The following SLC6A6 variants were observed in gnomAD, a reference collection of about 807,000 sequenced individuals.
SLC6A6 encodes the protein sodium- and chloride-dependent taurine transporter.
A neutral mutation model predicts 68.8 loss-of-function variants in SLC6A6; 16 were observed. That is an observed-to-expected ratio of 0.23 (90% confidence interval 0.16 to 0.35). The LOEUF is 0.35. Among genes scored for constraint, SLC6A6 ranks in the 10% least tolerant of loss-of-function variants. SLC6A6 has a pLI of 1.00. For synonymous variants in SLC6A6, 312 were observed against 315.4 expected, an observed-to-expected ratio of 0.99 and a Z score of 0.12; for missense variants, 474 against 802.8, an observed-to-expected ratio of 0.59 and a Z score of 4.95.
Position 14,457,938 on chromosome 3 carries a change from G to A in SLC6A6, c.600-12G>A. 1 of 1,613,972 alleles carries A rather than the reference G, an allele frequency of 6.2e-7. No individual in the cohort carries two copies. Among genetic ancestry groups the A allele is most frequent in the Non-Finnish European group, 8.5e-7 (1 of 1,179,984 alleles). On this transcript the variant is annotated splice_polypyrimidine_tract_variant and intron_variant, in intron 5 of 14. Coordinates refer to ENST00000622186, the MANE Select transcript of SLC6A6 (RefSeq NM_003043.6). ...GCCCCTCACTGACTCCTGGCTCTGT[G>A]TTTGCTTCAAGGCGCAACGTGCTGA...
Position 14,468,226 on chromosome 3 carries a change from G to T in SLC6A6, c.1096+14G>T. The T allele has an allele frequency of 6.2e-7, 1 of 1,609,908 alleles. No individual in the cohort carries two copies. The highest frequency in any genetic ancestry group is 1.3e-5 in the African/African-American group (1 of 74,632). ...TGGCTGAGTCAGGTACGGTGGTATC[G>T]GTGGCAGTGGTGGTGGGCACTGCCA... On this transcript the variant is annotated intron_variant, in intron 9 of 14. Transcript: ENST00000622186. The surrounding 1 kb of genome is among the most constrained non-coding windows in gnomAD (Gnocchi z 4.5).
intron 1 of SLC6A6, among the ~76,000 whole-genome samples, chr3:14,406,319 G>T (rs1443362394): frequency 2.0e-5 from 3 of 152,268 alleles, no homozygotes; most frequent in Admixed American, 1.3e-4. Context: ...GGAGGGCCTT[G>T]AATGCTGTGT....
chr3:14,454,067 CT>C (rs1700312946), intron 5 of SLC6A6, among the ~76,000 whole-genome samples: 1 of 152,196 alleles, frequency 6.6e-6, no homozygotes, highest in South Asian at 2.1e-4. Flanking sequence ...CACCCCCTCG[CT>C]CTTAAAAGTG....
intron 2 of SLC6A6, among the ~76,000 whole-genome samples, chr3:14,428,005 C>T (rs1699639811): frequency 6.6e-6 from 1 of 152,142 alleles, no homozygotes; most frequent in African/African-American, 2.4e-5. Flanking sequence ...TGAGATGCTC[C>T]CCTAACTGTA....
intron 2 of SLC6A6, among the ~76,000 whole-genome samples, chr3:14,431,976 G>A (rs956484635): frequency 6.6e-6 from 1 of 152,146 alleles, no homozygotes; most frequent in African/African-American, 2.4e-5. Flanking sequence ...GAAGAGAGAA[G>A]GTGACTTGCC....
chr3:14,414,382 A>C (rs1699317915), intron 1 of SLC6A6, among the ~76,000 whole-genome samples: 1 of 152,086 alleles, frequency 6.6e-6, no homozygotes, highest in African/African-American at 2.4e-5. Flanking sequence ...CCCACCTAGG[A>C]GGAGGAGGTG....
chr3:14,414,207 G>A (rs928147272), intron 1 of SLC6A6, among the ~76,000 whole-genome samples: 1 of 151,994 alleles, frequency 6.6e-6, no homozygotes, highest in African/African-American at 2.4e-5. Flanking sequence ...GTGTAGTGCC[G>A]CCCCCTGCCC....
At chr3:14,471,304 G>A (rs1700748114) in intron 9 of SLC6A6, among the ~76,000 whole-genome samples, 2 of 152,070 alleles carry the variant, frequency 1.3e-5, no homozygotes. Context: ...TCCCATCAGA[G>A]ACATCCCCTG....
At chr3:14,436,531 C>CG (rs1699855260) in intron 2 of SLC6A6, among the ~76,000 whole-genome samples, 1 of 112,464 alleles carries the variant, frequency 8.9e-6, no homozygotes, top group African/African-American at 3.3e-5. Flanking sequence ...CAACAACTCC[C>CG]TTTTTTTTTT....
At chr3:14,432,336 C>T (rs1699744018) in intron 2 of SLC6A6, among the ~76,000 whole-genome samples, 1 of 152,244 alleles carries the variant, frequency 6.6e-6, no homozygotes, top group Admixed American at 6.5e-5. Flanking sequence ...ACCCCGCCCC[C>T]ATTTCCGGCA....
chr3:14,417,814 T>C (rs1438715728), intron 2 of SLC6A6, among the ~76,000 whole-genome samples: 1 of 152,306 alleles, frequency 6.6e-6, no homozygotes, highest in Non-Finnish European at 1.5e-5. Flanking sequence ...GATTTAACAT[T>C]GACGTGATTC....
intron 10 of SLC6A6, among the ~76,000 whole-genome samples, chr3:14,475,182 C>T (rs182996107): frequency 2.6e-5 from 4 of 152,284 alleles, no homozygotes; most frequent in East Asian, 1.9e-4. Flanking sequence ...CAGGCATGTG[C>T]CACCATACCT....
chr3:14,431,697 C>T (rs1699728302), intron 2 of SLC6A6, among the ~76,000 whole-genome samples: 1 of 152,120 alleles, frequency 6.6e-6, no homozygotes, highest in Admixed American at 6.5e-5. Context: ...CACCGGTGAC[C>T]GACAGTGCTA....
intron 4 of SLC6A6, among the ~76,000 whole-genome samples, chr3:14,446,121 C>G (rs1018438251): frequency 6.6e-6 from 1 of 152,166 alleles, no homozygotes; most frequent in Non-Finnish European, 1.5e-5. Flanking sequence ...CATAGAGAAG[C>G]CTGCAGCTGC....
At chr3:14,446,557 A>G (rs1008316748) in intron 4 of SLC6A6, among the ~76,000 whole-genome samples, 9 of 152,216 alleles carry the variant, frequency 5.9e-5, no homozygotes, top group African/African-American at 2.2e-4. Context: ...GAATCTAAAC[A>G]AGAAAAAAGA....
intron 2 of SLC6A6, among the ~76,000 whole-genome samples, chr3:14,418,394 T>C (rs151314006): frequency 0.012 from 1,800 of 152,240 alleles, 41 homozygotes; most frequent in African/African-American, 0.041. Context: ...TCCTTCCTTT[T>C]CATCAAGCTC....
intron 7 of SLC6A6, 41 bp downstream of exon 7, chr3:14,466,691 G>T: frequency 6.4e-7 from 1 of 1,574,326 alleles, no homozygotes. Context: ...CTCCCATCCA[G>T]GGCTGGGCCG....
chr3:14,478,642 G>A, intron 12 of SLC6A6, 74 bp downstream of exon 12: 2 of 920,704 alleles, frequency 2.2e-6, no homozygotes, highest in Non-Finnish European at 3.6e-6. Flanking sequence ...TTCAGAAGCA[G>A]AGAATACTAA....
chr3:14,433,898 T>C (rs1328800782), intron 2 of SLC6A6, among the ~76,000 whole-genome samples: 2 of 150,340 alleles, frequency 1.3e-5, no homozygotes, highest in Admixed American at 6.6e-5. Context: ...AAGGGAAGGG[T>C]TGGTGGTCAG....
Sources: gnomAD v4.1 joint callset for allele counts (sites outside exome capture counted in the v4.1 genomes callset) on GRCh38, gnomAD v4.1.1 for gene constraint, Gnocchi (gnomAD v3.1) non-coding constraint, MANE v1.5 for transcripts, NCBI Gene and HGNC (gene_info 2026-07-23, HGNC 2026-07-21) for gene names.